Variants in SMC6 observed in about 807,000 individuals in gnomAD.
The protein encoded by SMC6 is structural maintenance of chromosomes protein 6.
In SMC6, 79 loss-of-function variants were observed where a neutral mutation model predicts 142.2. That is an observed-to-expected ratio of 0.56 (90% CI 0.46 to 0.67). The LOEUF (loss-of-function observed/expected upper bound fraction) is 0.67, where lower values mean the gene tolerates loss of function less well. Ranked by LOEUF, SMC6 falls within the 30% of genes least tolerant of loss-of-function variation. The pLI is 0.00. For missense variants in SMC6, 1,072 were observed against 1,284.0 expected, an observed-to-expected ratio of 0.83 and a Z score of 2.52; for synonymous variants, 411 against 412.4, an observed-to-expected ratio of 1.00 and a Z score of 0.04.
chr2:17,672,321 A>G (rs989700822), intron 25 of SMC6, among the ~76,000 whole-genome samples: 2 of 152,212 alleles, frequency 1.3e-5, no homozygotes, highest in Non-Finnish European at 2.9e-5. Context: ...TTCTTCTGGT[A>G]TTCTTTTGAA....
chr2:17,746,091 C>T (rs1670732317), intron 2 of SMC6, 140 bp from the exon 3 acceptor site: 2 of 840,742 alleles, frequency 2.4e-6, no homozygotes, highest in Non-Finnish European at 3.4e-6. Context: ...GTAAATTAGT[C>T]TTGCATCTTG....
intron 2 of SMC6, among the ~76,000 whole-genome samples, chr2:17,750,627 A>G (rs1260814416): frequency 6.6e-6 from 1 of 152,210 alleles, no homozygotes; most frequent in Non-Finnish European, 1.5e-5. Flanking sequence ...CTGAAGTTTG[A>G]CAGTTAATTA....
In SMC6 at chr2:17,709,971, A is replaced by G. The variant is rs570118267; in HGVS notation, c.1731-1218T>C. ...GAAGTGTTTCCAGAGACAGGATAAG[A>G]AAGATGGTGAGAGGACAGATCATCC... On this transcript the variant is annotated intron_variant, in intron 16 of 27. Transcript: ENST00000448223. Among the ~76,000 whole-genome samples, 3 of 152,316 alleles carry G rather than the reference A, an allele frequency of 2.0e-5. No homozygotes were observed. In the South Asian group the frequency reaches 6.2e-4, roughly 32 times the overall value.
At chr2:17,699,614 T>C (rs371824371) in intron 21 of SMC6, among the ~76,000 whole-genome samples, 2 of 152,168 alleles carry the variant, frequency 1.3e-5, no homozygotes, top group Non-Finnish European at 2.9e-5. Flanking sequence ...CACAGGTCCC[T>C]AAGATGCTGT....
intron 25 of SMC6, among the ~76,000 whole-genome samples, chr2:17,677,216 TAA>T (rs1667031055): frequency 1.3e-5 from 2 of 152,140 alleles, no homozygotes; most frequent in Non-Finnish European, 2.9e-5. Context: ...AATATTTCAC[TAA>T]AGAGGGGCCC....
chr2:17,677,667 T>C (rs923054600), intron 25 of SMC6, among the ~76,000 whole-genome samples: 2 of 152,174 alleles, frequency 1.3e-5, no homozygotes, highest in African/African-American at 4.8e-5. Flanking sequence ...GTGAGAACAA[T>C]AGACTACCAT....
rs749652996 is a variant in SMC6 at position 17,725,952 on chromosome 2, CTGTCACATGCT to C, written c.624+426_624+436del. 2.6e-5 allele frequency among the ~76,000 whole-genome samples: 4 copies of C among 151,606 alleles called. No homozygotes were observed. The East Asian group carries it at 7.8e-4, about 30-fold the overall frequency. ...AAAATACAAAAATTAGCTAGACATG[CTGTCACATGCT>C]TGTAACCCCAGCTCCTTGGGAGGCT... On this transcript the variant is annotated intron_variant, in intron 8 of 27. Transcript: ENST00000448223.
In SMC6 at chr2:17,741,866, T is replaced by A. The variant is rs41282365; in HGVS notation, c.121-137A>T. The A allele has an allele frequency of 2.0e-3, 1,079 of 544,826 alleles. 3 individuals carry two copies. Among genetic ancestry groups the A allele is most frequent in the Non-Finnish European group, 2.8e-3 (850 of 308,320 alleles). 33.7% of individuals were successfully genotyped at this position (544,826 alleles called of 1,614,324 possible). A position where few individuals can be genotyped will look rare whatever the true frequency, so the allele number is the denominator to read the frequency against. ...AGAAAGTGAATAATGGTAACTTCAA[T>A]GAATAAGATGAAATTAAATGGGAAC... On this transcript the variant is annotated intron_variant, in intron 3 of 27. Transcript: ENST00000448223.
intron 22 of SMC6, 38 bp from the exon 23 acceptor site, chr2:17,695,335 TTGATA>T (rs773966991): frequency 1.3e-6 from 2 of 1,575,220 alleles, no homozygotes; most frequent in East Asian, 2.3e-5. Context: ...AAACTCTTCT[TTGATA>T]TAACAATTCA....
chr2:17,686,280 G>A (rs1011007733), intron 23 of SMC6, among the ~76,000 whole-genome samples: 7 of 152,050 alleles, frequency 4.6e-5, no homozygotes, highest in South Asian at 2.1e-4. Context: ...TCAAGAGTTC[G>A]AGACCACCCT....
chr2:17,727,136 T>C (rs762379826), intron 7 of SMC6, among the ~76,000 whole-genome samples: 1 of 152,344 alleles, frequency 6.6e-6, no homozygotes, highest in South Asian at 2.1e-4. Flanking sequence ...TTACTGAGTG[T>C]AAACCTGATT....
chr2:17,690,821 T>C (rs769606877), intron 23 of SMC6, among the ~76,000 whole-genome samples: 2 of 151,716 alleles, frequency 1.3e-5, no homozygotes, highest in African/African-American at 2.4e-5. Flanking sequence ...GGGAAATCTA[T>C]CAGAAAAAAG....
intron 7 of SMC6, among the ~76,000 whole-genome samples, chr2:17,727,469 C>G (rs1669685999): frequency 6.6e-6 from 1 of 151,402 alleles, no homozygotes; most frequent in Admixed American, 6.6e-5. Context: ...ATTGTGGGAC[C>G]TTGTGATCAT....
rs145981357 is a variant in SMC6 at position 17,708,311 on chromosome 2, G to A, written c.1845+328C>T. 4.7e-3 allele frequency among the ~76,000 whole-genome samples: 716 copies of A among 152,044 alleles called. 8 individuals are homozygous for A. Among genetic ancestry groups the A allele is most frequent in the African/African-American group, 0.016 (672 of 41,508 alleles). On this transcript the variant is annotated intron_variant, in intron 17 of 27. Transcript: ENST00000448223. ...TATTTCATTTAAGTAGAATAATACA[G>A]ATATCTGTAAGGGCAAATAAAAAAT...
At chr2:17,744,308 T>G (rs767882938) in intron 3 of SMC6, among the ~76,000 whole-genome samples, 8 of 152,186 alleles carry the variant, frequency 5.3e-5, no homozygotes, top group Admixed American at 1.3e-4. Context: ...ATTTGCATCG[T>G]CCCAAAGTGG....
At chr2:17,693,733 T>G (rs1268705358) in intron 23 of SMC6, among the ~76,000 whole-genome samples, 1 of 151,816 alleles carries the variant, frequency 6.6e-6, no homozygotes, top group Non-Finnish European at 1.5e-5. Flanking sequence ...TGGTGGCTCA[T>G]GCCTGTAATC....
At chr2:17,668,771 T>C (rs1179474094) in intron 26 of SMC6, among the ~76,000 whole-genome samples, 1 of 152,090 alleles carries the variant, frequency 6.6e-6, no homozygotes, top group African/African-American at 2.4e-5. Context: ...AGAGGCACCA[T>C]GTTTGGAGAA....
Position 17,664,373 on chromosome 2 carries a change from TC to T in SMC6, c.*1125del, listed in dbSNP as rs1666401415. 6.6e-6 allele frequency: 1 copy of T among 152,170 alleles called. No individual in the cohort carries two copies. The highest frequency in any genetic ancestry group is 1.5e-5 in the Non-Finnish European group (1 of 68,036). 9.4% of individuals were successfully genotyped at this position (152,170 alleles called of 1,614,324 possible). A position where few individuals can be genotyped will look rare whatever the true frequency, so the allele number is the denominator to read the frequency against. ...CAAAAACACAAACAAAGTCCAGTTTTCCTCAATAACTAGAGAACAGTCCCTG... is the reference window on the plus strand; with the variant it reads ...CAAAAACACAAACAAAGTCCAGTTTTCTCAATAACTAGAGAACAGTCCCTG... On this transcript the variant is annotated 3_prime_UTR_variant, in exon 28 of 28. Transcript: ENST00000448223.
intron 2 of SMC6, among the ~76,000 whole-genome samples, chr2:17,751,002 T>A (rs1670999796): frequency 3.2e-5 from 2 of 62,170 alleles, no homozygotes; most frequent in South Asian, 5.4e-4. Context: ...TGAACAGCTG[T>A]CTCAAAAAAA....
Sources: allele counts gnomAD v4.1 joint callset (sites outside exome capture counted in the v4.1 genomes callset), GRCh38; gene constraint gnomAD v4.1.1; transcripts MANE v1.5; gene names NCBI Gene and HGNC (gene_info 2026-07-23, HGNC 2026-07-21).